The following SORCS2 variants were observed in gnomAD, a reference collection of about 807,000 sequenced individuals.
SORCS2 encodes the protein VPS10 domain-containing receptor SorCS2.
Under a neutral mutation model 141.6 loss-of-function variants are expected in SORCS2, and 100 were observed. The observed-to-expected ratio is 0.71, with a 90% CI of 0.60 to 0.83. SORCS2 has a LOEUF of 0.83. Ranked by LOEUF, SORCS2 falls within the 40% of genes least tolerant of loss-of-function variation. The pLI is 0.00. For missense variants in SORCS2, 1,646 were observed against 1,560.2 expected (o/e 1.05, Z -0.93); for synonymous variants, 789 against 676.9 (o/e 1.17, Z -2.57).
chr4:7,577,517 A>G (rs1414253018), intron 3 of SORCS2, among the ~76,000 whole-genome samples: 7 of 145,662 alleles, frequency 4.8e-5, no homozygotes, highest in Admixed American at 2.7e-4. Context: ...CATGGTTTGG[A>G]GAAGTTATAT....
chr4:7,708,516 C>T (rs968228013), intron 14 of SORCS2, among the ~76,000 whole-genome samples: 2 of 152,198 alleles, frequency 1.3e-5, no homozygotes, highest in Non-Finnish European at 1.5e-5. Context: ...CGATGGCATG[C>T]GATGGTGCTT....
intron 3 of SORCS2, among the ~76,000 whole-genome samples, chr4:7,538,280 A>C (rs1712289480): frequency 1.3e-5 from 2 of 152,242 alleles, no homozygotes; most frequent in African/African-American, 2.4e-5. Context: ...CCTGCAGCAG[A>C]ATCAGCAGTC....
chr4:7,422,058 T>C (rs1452650204), intron 2 of SORCS2, among the ~76,000 whole-genome samples: 1 of 152,154 alleles, frequency 6.6e-6, no homozygotes, highest in Non-Finnish European at 1.5e-5. Context: ...GTGCCCCCTT[T>C]GCTACTTTTC....
intron 1 of SORCS2, among the ~76,000 whole-genome samples, chr4:7,369,172 G>T (rs947624753): frequency 4.6e-5 from 7 of 152,168 alleles, no homozygotes; most frequent in Non-Finnish European, 4.4e-5. Flanking sequence ...TTAGCTGGAA[G>T]TGGTGGCGTG....
intron 4 of SORCS2, among the ~76,000 whole-genome samples, chr4:7,640,450 G>A (rs1720649753): frequency 8.0e-6 from 1 of 125,110 alleles, no homozygotes; most frequent in African/African-American, 2.9e-5. Context: ...ATGAGTGTGT[G>A]GGTGTGTATG....
chr4:7,709,193 G>A (rs1158062270), intron 14 of SORCS2, among the ~76,000 whole-genome samples: 11 of 152,190 alleles, frequency 7.2e-5, no homozygotes, highest in South Asian at 2.1e-4. Flanking sequence ...GCAGAGCCGC[G>A]GGGGGCCAGC....
chr4:7,724,462 GTGGTGATGGTGATGGTGGTGA>G (rs1241349710), intron 19 of SORCS2, among the ~76,000 whole-genome samples: 35 of 100,612 alleles, frequency 3.5e-4, no homozygotes, highest in Non-Finnish European at 5.0e-4. Flanking sequence ...GGTGATGGTG[GTGGTGATGGTGATGGTGGTGA>G]TGGTGGTGGT....
chr4:7,593,430 C>T (rs1001212443), intron 3 of SORCS2, among the ~76,000 whole-genome samples: 2 of 152,186 alleles, frequency 1.3e-5, no homozygotes, highest in Non-Finnish European at 2.9e-5. Flanking sequence ...TGCCTGCAGT[C>T]AAAGGGCAGG....
At chr4:7,600,599 GT>G (rs1213341174) in intron 3 of SORCS2, among the ~76,000 whole-genome samples, 1 of 151,648 alleles carries the variant, frequency 6.6e-6, no homozygotes, top group Non-Finnish European at 1.5e-5. Context: ...CTAACCCGGG[GT>G]CCGGTAGAGG....
intron 23 of SORCS2, among the ~76,000 whole-genome samples, chr4:7,731,111 A>G (rs546298954): frequency 1.3e-5 from 2 of 152,360 alleles, no homozygotes; most frequent in African/African-American, 2.4e-5. Context: ...GCTTCTACAC[A>G]CTAACAGCAA....
At chr4:7,550,207 T>TG (rs1416707771) in intron 3 of SORCS2, among the ~76,000 whole-genome samples, 1 of 151,532 alleles carries the variant, frequency 6.6e-6, no homozygotes, top group Non-Finnish European at 1.5e-5. Flanking sequence ...CAACTGCAGT[T>TG]GCCTCCCTGC....
intron 3 of SORCS2, among the ~76,000 whole-genome samples, chr4:7,563,302 T>C (rs1053549548): frequency 7.2e-5 from 11 of 152,122 alleles, no homozygotes; most frequent in African/African-American, 2.7e-4. Context: ...CTTGGGCGTG[T>C]AGCAGATAAC....
intron 1 of SORCS2, among the ~76,000 whole-genome samples, chr4:7,309,182 T>C (rs1718028737): frequency 6.6e-6 from 1 of 152,212 alleles, no homozygotes; most frequent in Non-Finnish European, 1.5e-5. Context: ...CCTCCCGTGC[T>C]GCAGGTGTTT....
chr4:7,703,632 C>T (rs893600645), intron 13 of SORCS2, among the ~76,000 whole-genome samples: 2 of 152,182 alleles, frequency 1.3e-5, no homozygotes, highest in Non-Finnish European at 2.9e-5. Context: ...GCAGGGAGGG[C>T]CTTCCCCGAG....
chr4:7,526,249 G>A (rs988567597), intron 2 of SORCS2, among the ~76,000 whole-genome samples: 4 of 152,396 alleles, frequency 2.6e-5, no homozygotes, highest in African/African-American at 9.6e-5. Context: ...GACGCCCATC[G>A]CCTTGGCACG....
intron 2 of SORCS2, among the ~76,000 whole-genome samples, chr4:7,529,206 T>C (rs1467586483): frequency 6.6e-6 from 1 of 152,132 alleles, no homozygotes; most frequent in African/African-American, 2.4e-5. Context: ...CCTTCCAGAC[T>C]CTGTGCAAAC....
intron 1 of SORCS2, among the ~76,000 whole-genome samples, chr4:7,384,858 G>A (rs768611175): frequency 9.9e-5 from 15 of 152,260 alleles, no homozygotes; most frequent in Non-Finnish European, 1.6e-4. Flanking sequence ...TTGCGGAGAT[G>A]CCTGAGGGCA....
At chr4:7,290,577 G>A (rs3846422) in intron 1 of SORCS2, among the ~76,000 whole-genome samples, 106,699 of 152,086 alleles carry the variant, frequency 0.7, 37,699 homozygotes, top group Middle Eastern at 0.74. Context: ...AAGGAAAAGG[G>A]TTTGCAGTGA....
intron 1 of SORCS2, among the ~76,000 whole-genome samples, chr4:7,372,308 T>G (rs114112994): frequency 0.019 from 2,954 of 152,276 alleles, 100 homozygotes; most frequent in African/African-American, 0.065. Context: ...TTCACTTTTT[T>G]TTTGTTTGTT....
Sources: allele counts gnomAD v4.1 joint callset (sites outside exome capture counted in the v4.1 genomes callset), GRCh38; gene constraint gnomAD v4.1.1; transcripts MANE v1.5; gene names NCBI Gene and HGNC (gene_info 2026-07-23, HGNC 2026-07-21).